CDK15: variants seen among roughly 807,000 people sequenced by gnomAD.
The protein encoded by CDK15 is cyclin dependent kinase 15.
CDK15 carries 62 observed loss-of-function variants against 60.3 expected under a neutral mutation model. The ratio of observed to expected loss-of-function variants is 1.03; its 90% CI spans 0.84 to 1.27. The LOEUF is 1.27. Among genes scored for constraint, CDK15 ranks in the 50% most tolerant of loss-of-function variants. The pLI is 0.00. For missense variants in CDK15, 541 were observed against 527.8 expected (o/e 1.03, Z -0.25); for synonymous variants, 194 against 195.7 (o/e 0.99, Z 0.07).
chr2:201,881,422 C>CA (rs969229904), intron 12 of CDK15, among the ~76,000 whole-genome samples: 2 of 152,084 alleles, frequency 1.3e-5, no homozygotes, highest in African/African-American at 4.8e-5. Context: ...TTGAGGAAAA[C>CA]AAGAGACTTG....
chr2:201,811,717 G>A (rs1250701931), intron 3 of CDK15, among the ~76,000 whole-genome samples: 1 of 152,144 alleles, frequency 6.6e-6, no homozygotes, highest in Non-Finnish European at 1.5e-5. Flanking sequence ...TTAGAAGCCC[G>A]CTGCAAGAAT....
At position 201,894,280 on chromosome 2, in the gene CDK15, C is replaced by A. The variant is rs2105852229; in HGVS notation, c.*1013C>A. ...GACCTCTGTATATCCTTTGGAAGAGCAAGGAGGAACTAATTAAGAGATAAT... is the reference window on the plus strand; with the variant it reads ...GACCTCTGTATATCCTTTGGAAGAGAAAGGAGGAACTAATTAAGAGATAAT... On this transcript the variant is annotated 3_prime_UTR_variant, in exon 14 of 14. Coordinates refer to ENST00000652192, the MANE Select transcript of CDK15 (RefSeq NM_001366386.2). The A allele has an allele frequency of 1.3e-5, 2 of 152,148 alleles. No homozygotes were observed. The highest frequency in any genetic ancestry group is 4.2e-4 in the South Asian group (2 of 4,810). The allele number at this position is 152,148 out of a possible 1,614,324, so 9.4% of individuals were successfully genotyped here.
intron 9 of CDK15, among the ~76,000 whole-genome samples, chr2:201,854,413 A>C (rs999694530): frequency 3.3e-5 from 5 of 152,218 alleles, no homozygotes; most frequent in Non-Finnish European, 5.9e-5. Flanking sequence ...TGAGCACATC[A>C]GGGAACAGCT....
chr2:201,832,334 C>T (rs2105735549), intron 6 of CDK15, among the ~76,000 whole-genome samples: 1 of 152,358 alleles, frequency 6.6e-6, no homozygotes, highest in East Asian at 1.9e-4. Flanking sequence ...GCGTGGGCCA[C>T]TGCGCCAGTC....
chr2:201,846,639 C>A (rs1482188719), intron 8 of CDK15, among the ~76,000 whole-genome samples: 1 of 151,398 alleles, frequency 6.6e-6, no homozygotes, highest in African/African-American at 2.4e-5. Flanking sequence ...TAGCAACATT[C>A]TTTAAGCAGG....
At chr2:201,862,577 GACTA>G (rs946984352) in intron 10 of CDK15, among the ~76,000 whole-genome samples, 4 of 152,144 alleles carry the variant, frequency 2.6e-5, no homozygotes, top group African/African-American at 7.2e-5. Flanking sequence ...AATAATTGAG[GACTA>G]ACTATGAGCT....
At chr2:201,871,639 C>T (rs1405103195) in intron 10 of CDK15, among the ~76,000 whole-genome samples, 2 of 152,128 alleles carry the variant, frequency 1.3e-5, no homozygotes, top group Admixed American at 6.6e-5. Context: ...GTATGTTAAA[C>T]AAATGTTTAT....
intron 11 of CDK15, among the ~76,000 whole-genome samples, chr2:201,878,489 C>T (rs57640067): frequency 0.026 from 3,929 of 152,258 alleles, 162 homozygotes; most frequent in African/African-American, 0.09. Flanking sequence ...CTCAAGAAAT[C>T]CTTTCCTGAC....
intron 10 of CDK15, among the ~76,000 whole-genome samples, chr2:201,855,308 A>T (rs1698097667): frequency 6.6e-6 from 1 of 152,236 alleles, no homozygotes; most frequent in Admixed American, 6.5e-5. Flanking sequence ...TTGCATATGT[A>T]TAAAAAGAAA....
chr2:201,844,217 A>C (rs1697535857), intron 8 of CDK15, among the ~76,000 whole-genome samples: 1 of 152,194 alleles, frequency 6.6e-6, no homozygotes, highest in African/African-American at 2.4e-5. Context: ...CCAATTATGC[A>C]TGTATTTTAT....
At chr2:201,807,325 A>G (rs1239192068) in intron 1 of CDK15, among the ~76,000 whole-genome samples, 169 bp from the exon 2 acceptor site, 1 of 152,204 alleles carries the variant, frequency 6.6e-6, no homozygotes, top group Non-Finnish European at 1.5e-5. Flanking sequence ...AGTTGATACC[A>G]TTATGGTCTT....
chr2:201,854,726 C>A, intron 9 of CDK15, 148 bp from the exon 10 acceptor site: 1 of 644,008 alleles, frequency 1.6e-6, no homozygotes. Context: ...AAGTTTCTTT[C>A]TCGTATACAT....
chr2:201,836,058 T>TTTATATATATTATATATTTATATTTA (rs1445180792), intron 8 of CDK15, among the ~76,000 whole-genome samples: 15 of 95,986 alleles, frequency 1.6e-4, no homozygotes, highest in South Asian at 6.0e-4. Context: ...TATATATATA[T>TTTATATATATTATATATTTATATTTA]TATATATATT....
chr2:201,841,644 A>C (rs1697388102), intron 8 of CDK15, among the ~76,000 whole-genome samples: 1 of 152,212 alleles, frequency 6.6e-6, no homozygotes, highest in Non-Finnish European at 1.5e-5. Context: ...TGTAGGAGGT[A>C]GATGACACTG....
intron 6 of CDK15, among the ~76,000 whole-genome samples, chr2:201,832,909 C>T (rs192058587): frequency 8.3e-4 from 127 of 152,340 alleles, no homozygotes; most frequent in Middle Eastern, 3.4e-3. Flanking sequence ...TGCCAGAACA[C>T]GTTCTCAGTT....
In CDK15 at chr2:201,835,550, TA is replaced by T. The variant is rs1229245439; in HGVS notation, c.731-92del. 6.3e-5 allele frequency: 82 copies of T among 1,306,472 alleles called. No individual in the cohort carries two copies. In the African/African-American group the frequency reaches 1.2e-3, roughly 19 times the overall value. 80.9% of individuals were successfully genotyped at this position (1,306,472 alleles called of 1,614,324 possible). ...CTAAAAGCACCTAAAGTTTGTGTGT[TA>T]TTTTTTCTAATGGTGTTTACCCTGG... On this transcript the variant is annotated intron_variant, in intron 7 of 13. Coordinates refer to ENST00000652192, the MANE Select transcript of CDK15 (RefSeq NM_001366386.2).
At position 201,833,840 on chromosome 2, in the gene CDK15, C is replaced by G. The variant is rs778541246; in HGVS notation, c.607-8C>G. On this transcript the variant is annotated splice_region_variant and splice_polypyrimidine_tract_variant and intron_variant, in intron 6 of 13. Coordinates refer to ENST00000652192, the MANE Select transcript of CDK15 (RefSeq NM_001366386.2). ...AATCTCCTTATGGATAGTGTTTCTT[C>G]CTTCCAGCTTTTCATGTTTCAACTT... 18 of 1,610,606 alleles carry G rather than the reference C, an allele frequency of 1.1e-5. 1 individual carries two copies. In the East Asian group the frequency reaches 2.0e-4, roughly 18 times the overall value.
chr2:201,809,700 T>A (rs1695668129), intron 3 of CDK15, among the ~76,000 whole-genome samples: 1 of 152,180 alleles, frequency 6.6e-6, no homozygotes, highest in African/African-American at 2.4e-5. Flanking sequence ...GGATGGTCAC[T>A]GTACAAGACC....
chr2:201,842,124 C>G (rs540013393), intron 8 of CDK15, among the ~76,000 whole-genome samples: 1 of 152,136 alleles, frequency 6.6e-6, no homozygotes, highest in African/African-American at 2.4e-5. Context: ...AAACTCTGCA[C>G]GTATTAAATG....
Sources: allele counts gnomAD v4.1 joint callset (sites outside exome capture counted in the v4.1 genomes callset), GRCh38; gene constraint gnomAD v4.1.1; transcripts MANE v1.5; gene names NCBI Gene and HGNC (gene_info 2026-07-23, HGNC 2026-07-21).